DCDC1: variants seen among roughly 807,000 people sequenced by gnomAD.
The protein encoded by DCDC1 is doublecortin domain-containing protein 1.
In DCDC1, 200 loss-of-function variants were observed where a neutral mutation model predicts 178.3. The ratio of observed to expected loss-of-function variants is 1.12; its 90% CI spans 1.00 to 1.26. DCDC1 has a LOEUF of 1.26. DCDC1 is among the 50% of genes most tolerant of loss of function. The probability of loss-of-function intolerance (pLI) is 0.00; values close to 1 mark genes in which losing one functional copy is unlikely to be tolerated. For synonymous variants in DCDC1, 690 were observed against 604.8 expected, an observed-to-expected ratio of 1.14 and a Z score of -2.07; for missense variants, 1,983 against 1,749.2, an observed-to-expected ratio of 1.13 and a Z score of -2.38.
intron 6 of DCDC1, among the ~76,000 whole-genome samples, chr11:31,298,101 A>T (rs1947831179): frequency 6.6e-6 from 1 of 152,206 alleles, no homozygotes; most frequent in Non-Finnish European, 1.5e-5. Context: ...CACAAATCTC[A>T]ACGGCAGTAA....
intron 36 of DCDC1, among the ~76,000 whole-genome samples, chr11:30,888,692 G>A (rs1185244381): frequency 1.3e-5 from 2 of 152,122 alleles, no homozygotes; most frequent in Non-Finnish European, 2.9e-5. Context: ...ACTCCAGCCT[G>A]GGCAACAAAA....
At chr11:31,043,828 T>TC (rs1954638996) in intron 20 of DCDC1, among the ~76,000 whole-genome samples, 1 of 151,444 alleles carries the variant, frequency 6.6e-6, no homozygotes, top group African/African-American at 2.4e-5. Context: ...GTTTTCTTTT[T>TC]TTTTTTTGTA....
At chr11:31,117,579 G>A (rs565122152) in intron 11 of DCDC1, among the ~76,000 whole-genome samples, 2 of 152,060 alleles carry the variant, frequency 1.3e-5, no homozygotes, top group African/African-American at 4.8e-5. Flanking sequence ...GATCTTGGGA[G>A]TGGGCCCACA....
intron 8 of DCDC1, among the ~76,000 whole-genome samples, chr11:31,248,087 T>C (rs1170113766): frequency 1.3e-5 from 2 of 152,096 alleles, no homozygotes; most frequent in Non-Finnish European, 2.9e-5. Context: ...TAAAGTATTA[T>C]CTTAGAGTTA....
At chr11:31,034,540 C>G (rs538634845) in intron 20 of DCDC1, among the ~76,000 whole-genome samples, 3 of 152,084 alleles carry the variant, frequency 2.0e-5, no homozygotes, top group Admixed American at 6.5e-5. Context: ...TGTGCCTTTT[C>G]TATGTTTGAG....
chr11:31,148,222 A>C (rs1333812699), intron 9 of DCDC1, among the ~76,000 whole-genome samples: 3 of 147,928 alleles, frequency 2.0e-5, no homozygotes, highest in African/African-American at 5.2e-5. Flanking sequence ...AAAAAAAAAA[A>C]AAAAAAAAAA....
At chr11:30,890,129 C>G (rs577355128) in intron 36 of DCDC1, among the ~76,000 whole-genome samples, 1 of 152,318 alleles carries the variant, frequency 6.6e-6, no homozygotes, top group Admixed American at 6.5e-5. Context: ...CAGCTGGCAC[C>G]TTGATCTTGG....
intron 9 of DCDC1, among the ~76,000 whole-genome samples, chr11:31,154,051 G>A (rs1352094973): frequency 6.6e-6 from 1 of 152,140 alleles, no homozygotes; most frequent in Non-Finnish European, 1.5e-5. Context: ...CTATTCTCAC[G>A]CTAGCGAGTG....
At chr11:31,281,387 T>C (rs1403665679) in intron 7 of DCDC1, among the ~76,000 whole-genome samples, 1 of 152,162 alleles carries the variant, frequency 6.6e-6, no homozygotes. Flanking sequence ...CAGTGTTTAG[T>C]AGACATTCTT....
chr11:31,341,544 T>G, intron 1 of DCDC1, among the ~76,000 whole-genome samples: 1 of 152,314 alleles, frequency 6.6e-6, no homozygotes, highest in South Asian at 2.1e-4. Flanking sequence ...GATGGCATAC[T>G]ATACACCTAG....
chr11:31,045,495 C>A (rs554287678), intron 20 of DCDC1, among the ~76,000 whole-genome samples: 1 of 152,008 alleles, frequency 6.6e-6, no homozygotes, highest in Admixed American at 6.6e-5. Flanking sequence ...AGAAAATTCC[C>A]TATTAGAAGT....
intron 20 of DCDC1, among the ~76,000 whole-genome samples, chr11:31,027,500 C>G (rs1202455236): frequency 6.6e-6 from 1 of 151,782 alleles, no homozygotes; most frequent in Non-Finnish European, 1.5e-5. Flanking sequence ...ATAAACCTCA[C>G]AGAAATAACA....
intron 20 of DCDC1, among the ~76,000 whole-genome samples, chr11:30,955,586 C>T (rs564371856): frequency 7.2e-5 from 11 of 152,328 alleles, no homozygotes; most frequent in African/African-American, 2.6e-4. Context: ...ATCCTGTTTT[C>T]AACACCATCA....
At chr11:31,058,892 C>T (rs981760650) in intron 20 of DCDC1, among the ~76,000 whole-genome samples, 2 of 151,904 alleles carry the variant, frequency 1.3e-5, no homozygotes. Flanking sequence ...CTTTTTTCAT[C>T]CATATTATCC....
At chr11:31,015,896 T>G (rs528152379) in intron 20 of DCDC1, among the ~76,000 whole-genome samples, 1 of 152,306 alleles carries the variant, frequency 6.6e-6, no homozygotes, top group Middle Eastern at 3.4e-3. Flanking sequence ...CTAAGATCAC[T>G]AACTGATTAA....
At chr11:31,259,840 C>T (rs1944663187) in intron 8 of DCDC1, among the ~76,000 whole-genome samples, 1 of 152,178 alleles carries the variant, frequency 6.6e-6, no homozygotes, top group Non-Finnish European at 1.5e-5. Flanking sequence ...TCTTCTCTAC[C>T]TTCCCTCACT....
At chr11:31,067,268 G>A (rs568479397) in intron 18 of DCDC1, among the ~76,000 whole-genome samples, 1 of 152,008 alleles carries the variant, frequency 6.6e-6, no homozygotes, top group East Asian at 1.9e-4. Flanking sequence ...ATAACCCGAT[G>A]AAAATACAAG....
chr11:31,110,179 C>G, intron 12 of DCDC1, 81 bp downstream of exon 12: 1 of 629,996 alleles, frequency 1.6e-6, no homozygotes, highest in Non-Finnish European at 2.9e-6. Flanking sequence ...CTGCAAACAA[C>G]TTTAAGATGT....
At chr11:30,979,955 A>G (rs1288403998) in intron 20 of DCDC1, among the ~76,000 whole-genome samples, 2 of 152,198 alleles carry the variant, frequency 1.3e-5, no homozygotes, top group Non-Finnish European at 2.9e-5. Context: ...GAGCCTCTCA[A>G]AAGGGTCATT....
Sources: gnomAD v4.1 joint callset for allele counts (sites outside exome capture counted in the v4.1 genomes callset) on GRCh38, gnomAD v4.1.1 for gene constraint, MANE v1.5 for transcripts, NCBI Gene and HGNC (gene_info 2026-07-23, HGNC 2026-07-21) for gene names.